The following CDK19 variants were observed in gnomAD, a reference collection of about 807,000 sequenced individuals.
The protein encoded by CDK19 is cyclin dependent kinase 19, also known as cyclin-dependent kinase 19.
In CDK19, 20 loss-of-function variants were observed where a neutral mutation model predicts 68.3. The ratio of observed to expected loss-of-function variants is 0.29; its 90% CI spans 0.21 to 0.43. The LOEUF (loss-of-function observed/expected upper bound fraction) is 0.43. CDK19 is among the 20% of genes least tolerant of loss of function. The pLI, the probability that CDK19 is intolerant of heterozygous loss-of-function variation, is 1.00. For synonymous variants in CDK19, 221 were observed against 222.8 expected (o/e 0.99, Z 0.07); for missense variants, 339 against 623.5 (o/e 0.54, Z 4.86).
intron 2 of CDK19, among the ~76,000 whole-genome samples, chr6:110,729,245 C>T (rs1256760531): frequency 2.6e-5 from 4 of 152,004 alleles, no homozygotes; most frequent in Non-Finnish European, 5.9e-5. Flanking sequence ...AATTTGCTCC[C>T]CCAAACCATT....
chr6:110,804,416 C>T (rs575864416), intron 1 of CDK19, among the ~76,000 whole-genome samples: 1 of 151,906 alleles, frequency 6.6e-6, no homozygotes, highest in South Asian at 2.1e-4. Context: ...GATCTCGGCT[C>T]ACTGAAACCT....
chr6:110,707,311 G>A (rs1774593416), intron 2 of CDK19, among the ~76,000 whole-genome samples: 1 of 152,076 alleles, frequency 6.6e-6, no homozygotes. Context: ...ACTCCAGCCT[G>A]AGTGACAGAG....
In CDK19 at chr6:110,613,885, A is replaced by T. The variant is rs911468234; in HGVS notation, c.*650T>A. 6.5e-6 allele frequency: 1 copy of T among 152,686 alleles called. No homozygotes were observed. Among genetic ancestry groups the T allele is most frequent in the African/African-American group, 2.4e-5 (1 of 41,466 alleles). 9.5% of individuals were successfully genotyped at this position (152,686 alleles called of 1,614,324 possible). ...CACATACTTCAGTTCTTCGTGGCAT[A>T]AAGCACATAACTGCAAAGATCTAGG... On this transcript the variant is annotated 3_prime_UTR_variant, in exon 13 of 13. Coordinates refer to ENST00000368911, the MANE Select transcript of CDK19 (RefSeq NM_015076.5).
intron 2 of CDK19, among the ~76,000 whole-genome samples, chr6:110,692,164 A>G (rs940878101): frequency 1.3e-5 from 2 of 151,416 alleles, no homozygotes; most frequent in African/African-American, 4.8e-5. Flanking sequence ...CATGGTGGTG[A>G]GCGCCTGTAG....
intron 1 of CDK19, among the ~76,000 whole-genome samples, chr6:110,806,173 C>G (rs1782667609): frequency 6.6e-6 from 1 of 151,738 alleles, no homozygotes; most frequent in Admixed American, 6.6e-5. Context: ...AACCCCGTTT[C>G]TACTAAAAAA....
At chr6:110,812,288 T>G (rs1783166405) in intron 1 of CDK19, among the ~76,000 whole-genome samples, 1 of 151,996 alleles carries the variant, frequency 6.6e-6, no homozygotes, top group Non-Finnish European at 1.5e-5. Flanking sequence ...GCCCGGCTAA[T>G]TCCTTTTGTA....
intron 1 of CDK19, among the ~76,000 whole-genome samples, chr6:110,802,146 A>G (rs915940083): frequency 2.0e-5 from 3 of 152,242 alleles, no homozygotes; most frequent in Non-Finnish European, 2.9e-5. Flanking sequence ...AATCAAAAAT[A>G]GAATTACCAT....
chr6:110,766,170 C>T (rs909440027), intron 1 of CDK19, among the ~76,000 whole-genome samples: 1 of 152,174 alleles, frequency 6.6e-6, no homozygotes, highest in African/African-American at 2.4e-5. Context: ...CAGCACTATT[C>T]ACAATACTGA....
At chr6:110,810,505 T>C (rs1218658022) in intron 1 of CDK19, among the ~76,000 whole-genome samples, 1 of 152,132 alleles carries the variant, frequency 6.6e-6, no homozygotes, top group Non-Finnish European at 1.5e-5. Flanking sequence ...CCAGGTAAGG[T>C]GGCTCACGCC....
chr6:110,765,870 TC>T (rs1223893355), intron 1 of CDK19, among the ~76,000 whole-genome samples: 2 of 152,128 alleles, frequency 1.3e-5, no homozygotes, highest in African/African-American at 4.8e-5. Flanking sequence ...TCACTCATTA[TC>T]AGAGAAATGC....
Position 110,814,994 on chromosome 6 carries a change from C to G in CDK19, c.128+15G>C. ...AGGACCCGAGCGAGCCTACTCCTCC[C>G]GCCCCTGCTCTTACCCATCTTTCCG... is the stretch of plus-strand genomic sequence containing the variant. On this transcript the variant is annotated intron_variant, in intron 1 of 12. Transcript: ENST00000368911. The G allele has an allele frequency of 6.2e-7, 1 of 1,602,340 alleles. No individual in the cohort carries two copies. The highest frequency in any genetic ancestry group is 8.5e-7 in the Non-Finnish European group (1 of 1,175,170).
chr6:110,688,745 C>T (rs1772721283), intron 2 of CDK19, among the ~76,000 whole-genome samples: 1 of 152,180 alleles, frequency 6.6e-6, no homozygotes, highest in South Asian at 2.1e-4. Flanking sequence ...TGCATGCATT[C>T]TCCAATGCAG....
At chr6:110,775,863 C>T (rs1391725202) in intron 1 of CDK19, among the ~76,000 whole-genome samples, 3 of 152,090 alleles carry the variant, frequency 2.0e-5, no homozygotes, top group African/African-American at 7.2e-5. Context: ...AAGGAAAAAA[C>T]AGTATTTTAA....
intron 2 of CDK19, among the ~76,000 whole-genome samples, chr6:110,688,346 T>C (rs576988555): frequency 7.6e-4 from 115 of 151,570 alleles, no homozygotes; most frequent in African/African-American, 2.6e-3. Flanking sequence ...ACTATATATA[T>C]ATATATAAAA....
intron 1 of CDK19, among the ~76,000 whole-genome samples, chr6:110,753,100 T>C (rs1258698318): frequency 6.6e-6 from 1 of 151,864 alleles, no homozygotes; most frequent in Non-Finnish European, 1.5e-5. Flanking sequence ...GGCTAATTTT[T>C]TGTACTTTTT....
chr6:110,658,668 G>A (rs976843850), intron 4 of CDK19, among the ~76,000 whole-genome samples: 30 of 152,060 alleles, frequency 2.0e-4, no homozygotes, highest in Non-Finnish European at 4.1e-4. Flanking sequence ...AAAAATATTT[G>A]TAATATTTAA....
Position 110,667,554 on chromosome 6 carries a change from A to G in CDK19, c.336T>C (p.Arg112=). The part of the protein sequence containing the change: ...HDLWHIIKFH[R]ASKANKKPMQ... ...TGGGCTTTTTATTTGCTTTTGATGC[A>G]CGGTGAAACTTAATAATATGCTAAA... Residue 112 remains arginine (R), a synonymous_variant, in exon 4 of 13, where the codon CGT becomes CGC. Transcript: ENST00000368911. 1 of 1,556,984 alleles carries G rather than the reference A, an allele frequency of 6.4e-7. No homozygotes were observed. The highest frequency in any genetic ancestry group is 8.7e-7 in the Non-Finnish European group (1 of 1,145,770).
chr6:110,626,243 G>GT (rs1779081118), intron 8 of CDK19, among the ~76,000 whole-genome samples: 1 of 152,134 alleles, frequency 6.6e-6, no homozygotes, highest in Non-Finnish European at 1.5e-5. Flanking sequence ...AACTATATAT[G>GT]TTAACAGTAT....
chr6:110,645,819 G>T, intron 4 of CDK19: 1 of 604,090 alleles, frequency 1.7e-6, no homozygotes, highest in South Asian at 1.7e-5. Context: ...CGGAGGGATG[G>T]CCGCGCACGA....
Sources: allele counts gnomAD v4.1 joint callset (sites outside exome capture counted in the v4.1 genomes callset), GRCh38; gene constraint gnomAD v4.1.1; transcripts MANE v1.5; gene names NCBI Gene and HGNC (gene_info 2026-07-23, HGNC 2026-07-21).